Variants in HECW2 observed in about 807,000 individuals in gnomAD.
HECW2 encodes the protein E3 ubiquitin-protein ligase HECW2.
In HECW2, 61 loss-of-function variants were observed where a neutral mutation model predicts 175.2. The observed-to-expected ratio is 0.35, with a 90% CI of 0.28 to 0.43. The LOEUF (loss-of-function observed/expected upper bound fraction) is 0.43. Ranked by LOEUF, HECW2 falls within the 20% of genes least tolerant of loss-of-function variation. The pLI, the probability that HECW2 is intolerant of heterozygous loss-of-function variation, is 1.00. For synonymous variants in HECW2, 671 were observed against 731.0 expected (o/e 0.92, Z 1.32); for missense variants, 1,524 against 2,000.5 (o/e 0.76, Z 4.54).
chr2:196,302,374 G>A (rs1691095844), intron 13 of HECW2, among the ~76,000 whole-genome samples: 1 of 152,154 alleles, frequency 6.6e-6, no homozygotes, highest in Non-Finnish European at 1.5e-5. Flanking sequence ...TGTTCTTGTT[G>A]TTTAGGATTG....
chr2:196,550,512 AG>A lies in HECW2; in HGVS notation c.-36+42995del, dbSNP rs569809778. Among the ~76,000 whole-genome samples the A allele has an allele frequency of 8.5e-5, 13 of 152,302 alleles. No individual in the cohort carries two copies. The South Asian group carries it at 2.7e-3, about 32-fold the overall frequency. ...CCTTTTAAAATTACTATTGCTTTTT[AG>A]TCTCTATAAATGTTATTAGGAATAA... On this transcript the variant is annotated intron_variant, in intron 1 of 28. Coordinates refer to ENST00000644978, the MANE Select transcript of HECW2 (RefSeq NM_001348768.2).
At chr2:196,325,264 G>T in intron 5 of HECW2, 115 bp from the exon 6 acceptor site, 6 of 573,450 alleles carry the variant, frequency 1.0e-5, no homozygotes, top group African/African-American at 1.9e-5. Flanking sequence ...CATATGTCCT[G>T]ATTAGAACAA....
chr2:196,236,094 T>C (rs999258628), intron 21 of HECW2, among the ~76,000 whole-genome samples: 2 of 152,198 alleles, frequency 1.3e-5, no homozygotes, highest in Admixed American at 1.3e-4. Flanking sequence ...TAGTCCCTCA[T>C]AGACAACACA....
chr2:196,503,303 G>C (rs537480300), intron 1 of HECW2, among the ~76,000 whole-genome samples: 73 of 152,304 alleles, frequency 4.8e-4, no homozygotes, highest in African/African-American at 1.8e-3. Context: ...CAGGGCACGG[G>C]CTCCAGGTGC....
rs541291139 is a variant in HECW2, at chr2:196,448,938, A to G, written c.-35-15480T>C. On this transcript the variant is annotated intron_variant, in intron 1 of 28. Transcript: ENST00000644978. Reference sequence around the variant, plus strand: ...TATCCATTTTTTGGGGGAAAAAATAATAAGTATTTGGATGTCTCCTTGAGT... The same window carrying G: ...TATCCATTTTTTGGGGGAAAAAATAGTAAGTATTTGGATGTCTCCTTGAGT... 9.2e-5 allele frequency among the ~76,000 whole-genome samples: 14 copies of G among 152,330 alleles called. No individual in the cohort carries two copies. The South Asian group carries it at 1.7e-3, about 18-fold the overall frequency.
At position 196,271,300 on chromosome 2, in the gene HECW2, A is replaced by T. The variant is rs377329945; in HGVS notation, c.3239-11T>A. On this transcript the variant is annotated splice_polypyrimidine_tract_variant and intron_variant, in intron 16 of 28. Coordinates refer to ENST00000644978, the MANE Select transcript of HECW2 (RefSeq NM_001348768.2). ...TCTTGTCATTGTAAGCTGAAAAAAA[A>T]ATCAGAAAAGACAACAATTTAAAAA... 39 of 1,557,786 alleles carry T rather than the reference A, an allele frequency of 2.5e-5. No individual in the cohort carries two copies. The highest frequency in any genetic ancestry group is 3.4e-5 in the Non-Finnish European group (39 of 1,130,786).
chr2:196,266,178 A>G (rs941971620), intron 17 of HECW2, among the ~76,000 whole-genome samples: 1 of 151,354 alleles, frequency 6.6e-6, no homozygotes, highest in Non-Finnish European at 1.5e-5. Context: ...TAAAAAAAAA[A>G]AAAAAAAAAC....
chr2:196,250,908 G>A (rs1688828418), intron 19 of HECW2, among the ~76,000 whole-genome samples: 2 of 152,082 alleles, frequency 1.3e-5, no homozygotes, highest in South Asian at 4.1e-4. Context: ...TTCAGATCCT[G>A]TATCATTCTG....
rs1384966049 is a variant in HECW2, at chr2:196,264,440, A to T, written c.3336-6534T>A. Among the ~76,000 whole-genome samples the T allele has an allele frequency of 2.0e-5, 3 of 152,358 alleles. No individual in the cohort carries two copies. The East Asian group carries it at 5.8e-4, about 29-fold the overall frequency. On this transcript the variant is annotated intron_variant, in intron 17 of 28. Coordinates refer to ENST00000644978, the MANE Select transcript of HECW2 (RefSeq NM_001348768.2). The stretch of plus-strand genomic sequence containing the variant: ...AAATATTATTATTCCTCATGTAAGA[A>T]AACCATCTTGAAAATCATGATTGAA...
At chr2:196,547,379 T>G (rs1447990548) in intron 1 of HECW2, among the ~76,000 whole-genome samples, 1 of 152,182 alleles carries the variant, frequency 6.6e-6, no homozygotes, top group Non-Finnish European at 1.5e-5. Context: ...AATCCTGCCT[T>G]TATAATATAA....
At chr2:196,289,793 G>C (rs149425817) in intron 14 of HECW2, 29 of 152,264 alleles carry the variant, frequency 1.9e-4, no homozygotes, top group African/African-American at 6.3e-4. Flanking sequence ...TCATAAGACA[G>C]GAGACAGGAC....
chr2:196,445,522 T>C (rs1696158008), intron 1 of HECW2, among the ~76,000 whole-genome samples: 1 of 152,194 alleles, frequency 6.6e-6, no homozygotes. Flanking sequence ...TAAAAAGGAT[T>C]TTTTGAGTAA....
intron 1 of HECW2, among the ~76,000 whole-genome samples, chr2:196,498,106 G>T (rs1687458652): frequency 6.6e-6 from 1 of 152,158 alleles, no homozygotes; most frequent in Non-Finnish European, 1.5e-5. Flanking sequence ...GGGCCAAGGG[G>T]AAAGCTCTTC....
chr2:196,573,740 G>T (rs763634287), intron 1 of HECW2, among the ~76,000 whole-genome samples: 6 of 152,002 alleles, frequency 3.9e-5, no homozygotes, highest in Non-Finnish European at 5.9e-5. Flanking sequence ...AAGAGGCTGG[G>T]GAAACAGAAC....
chr2:196,582,303 A>G (rs1332077950), intron 1 of HECW2, among the ~76,000 whole-genome samples: 1 of 152,198 alleles, frequency 6.6e-6, no homozygotes, highest in Non-Finnish European at 1.5e-5. Context: ...CTCAAATTCT[A>G]GCTACGGTTA....
At chr2:196,331,099 C>T (rs1692341320) in intron 4 of HECW2, 2 of 965,756 alleles carry the variant, frequency 2.1e-6, no homozygotes, top group African/African-American at 3.5e-5. Context: ...AACTCCTGTA[C>T]CTTAGTCAAA....
intron 21 of HECW2, among the ~76,000 whole-genome samples, chr2:196,237,683 AT>A (rs1688305157): frequency 6.6e-6 from 1 of 152,174 alleles, no homozygotes; most frequent in Admixed American, 6.5e-5. Context: ...TCAACCATGT[AT>A]TTATATCAGT....
At chr2:196,280,314 T>A (rs995631305) in intron 14 of HECW2, among the ~76,000 whole-genome samples, 4 of 152,196 alleles carry the variant, frequency 2.6e-5, no homozygotes, top group African/African-American at 9.6e-5. Context: ...GATGAAGGTA[T>A]CTAGGCAAAT....
intron 14 of HECW2, among the ~76,000 whole-genome samples, chr2:196,279,131 C>A (rs1387356967): frequency 6.6e-6 from 1 of 152,138 alleles, no homozygotes; most frequent in Non-Finnish European, 1.5e-5. Context: ...TCACTGCAAG[C>A]TCCACCTCCC....
Sources: allele counts gnomAD v4.1 joint callset (sites outside exome capture counted in the v4.1 genomes callset), GRCh38; gene constraint gnomAD v4.1.1; transcripts MANE v1.5; gene names NCBI Gene and HGNC (gene_info 2026-07-23, HGNC 2026-07-21).